The following IL1RAPL1 variants were observed in gnomAD, a reference collection of about 807,000 sequenced individuals.
IL1RAPL1 encodes the protein interleukin 1 receptor accessory protein like 1.
IL1RAPL1 carries 3 observed loss-of-function variants against 48.4 expected under a neutral mutation model. The observed-to-expected ratio is 0.06, with a 90% confidence interval of 0.03 to 0.16. The LOEUF (loss-of-function observed/expected upper bound fraction) is 0.16, where lower values mean the gene tolerates loss of function less well. IL1RAPL1 is among the 10% of genes least tolerant of loss of function. IL1RAPL1 has a pLI of 1.00. For synonymous variants in IL1RAPL1, 185 were observed against 187.7 expected, an observed-to-expected ratio of 0.99 and a Z score of 0.12; for missense variants, 349 against 530.6, an observed-to-expected ratio of 0.66 and a Z score of 3.36.
At chrX:29,065,692 C>A (rs750197513) in intron 2 of IL1RAPL1, among the ~76,000 whole-genome samples, 3 of 111,855 alleles carry the variant, frequency 2.7e-5, no homozygotes, top group East Asian at 5.6e-4. Flanking sequence ...TTCTGTGAGG[C>A]TCTGTTAAGT....
intron 5 of IL1RAPL1, among the ~76,000 whole-genome samples, chrX:29,654,922 TA>T (rs752974848): frequency 0.011 from 1,253 of 112,239 alleles, 9 homozygotes; most frequent in Middle Eastern, 0.032. Context: ...AAATTAAAAA[TA>T]GTTTTATATT....
intron 2 of IL1RAPL1, among the ~76,000 whole-genome samples, chrX:28,941,587 A>G (rs1924163833): frequency 9.0e-6 from 1 of 111,354 alleles, no homozygotes; most frequent in Admixed American, 9.6e-5. Flanking sequence ...TCAAACACTT[A>G]AAGATGCTGC....
intron 2 of IL1RAPL1, among the ~76,000 whole-genome samples, chrX:28,946,307 C>CT (rs1478370485): frequency 9.6e-6 from 1 of 104,712 alleles, no homozygotes; most frequent in Non-Finnish European, 2.0e-5. Flanking sequence ...AAGCAAAACT[C>CT]TTTGTGTGTG....
At chrX:29,801,076 A>AAAAAAAAAAAAAAAAAAAAAAAAAC (rs1569172133) in intron 6 of IL1RAPL1, among the ~76,000 whole-genome samples, 2 of 87,013 alleles carry the variant, frequency 2.3e-5, no homozygotes, top group African/African-American at 1.1e-4. Flanking sequence ...AAAAAAAAAA[A>AAAAAAAAAAAAAAAAAAAAAAAAAC]AAAACTCATC....
At chrX:29,275,818 G>A (rs1031787524) in intron 2 of IL1RAPL1, among the ~76,000 whole-genome samples, 19 of 111,653 alleles carry the variant, frequency 1.7e-4, no homozygotes, top group African/African-American at 4.2e-4. Flanking sequence ...CATCATATGC[G>A]GTCTATAACA....
rs149944738 is a variant in IL1RAPL1, at chrX:29,654,956, A to C, written c.704-13474A>C. Among the ~76,000 whole-genome samples, 598 of 111,998 alleles carry C rather than the reference A, an allele frequency of 5.3e-3. 3 individuals carry two copies. The highest frequency in any genetic ancestry group is 0.018 in the African/African-American group (560 of 30,826). On this transcript the variant is annotated intron_variant, in intron 5 of 10. Transcript: ENST00000378993. ...ATTTATAAACCTTGAATTTCAGTGG[A>C]GGCCATGCTTATTAAAATTCACTTT...
chrX:28,736,556 C>G (rs1935828842), intron 1 of IL1RAPL1, among the ~76,000 whole-genome samples: 1 of 111,777 alleles, frequency 8.9e-6, no homozygotes, highest in Admixed American at 9.5e-5. Flanking sequence ...TAAATACATG[C>G]ACATTAAACA....
intron 1 of IL1RAPL1, among the ~76,000 whole-genome samples, chrX:28,648,070 T>G (rs973596217): frequency 9.0e-6 from 1 of 111,630 alleles, no homozygotes; most frequent in African/African-American, 3.3e-5. Context: ...CTCTCCACAT[T>G]CCAGCCACAC....
chrX:29,666,875 T>C (rs1177844947), intron 5 of IL1RAPL1, among the ~76,000 whole-genome samples: 1 of 111,605 alleles, frequency 9.0e-6, no homozygotes, highest in Admixed American at 9.6e-5. Flanking sequence ...CATAGTTGCT[T>C]TTGAAATTCA....
intron 1 of IL1RAPL1, among the ~76,000 whole-genome samples, chrX:28,697,765 G>GC (rs1432453588): frequency 2.7e-5 from 3 of 111,398 alleles, no homozygotes; most frequent in Non-Finnish European, 5.7e-5. Flanking sequence ...TCTGAAAGAA[G>GC]CATAGGGGTG....
intron 6 of IL1RAPL1, among the ~76,000 whole-genome samples, chrX:29,872,526 C>T (rs762675619): frequency 2.6e-4 from 29 of 112,060 alleles, no homozygotes; most frequent in African/African-American, 9.4e-4. Flanking sequence ...GGTGATTAGG[C>T]TCTACCCTCA....
chrX:29,636,408 C>T (rs1223336353), intron 5 of IL1RAPL1, among the ~76,000 whole-genome samples: 2 of 112,062 alleles, frequency 1.8e-5, no homozygotes, highest in East Asian at 5.6e-4. Flanking sequence ...ATATAAGGAA[C>T]GTTTTAATCT....
intron 5 of IL1RAPL1, among the ~76,000 whole-genome samples, chrX:29,624,670 T>C (rs184554942): frequency 9.6e-6 from 1 of 103,913 alleles, no homozygotes; most frequent in Non-Finnish European, 2.0e-5. Flanking sequence ...CCCTGTTTTT[T>C]ACAAAAAATA....
At chrX:29,935,937 CATTTTT>C (rs1310662973) in intron 8 of IL1RAPL1, among the ~76,000 whole-genome samples, 3 of 111,525 alleles carry the variant, frequency 2.7e-5, no homozygotes, top group South Asian at 3.8e-4. Context: ...ATTCAGGGAT[CATTTTT>C]ATTTTTATTA....
At chrX:29,684,370 T>C (rs11095157) in intron 6 of IL1RAPL1, among the ~76,000 whole-genome samples, 44,996 of 109,459 alleles carry the variant, frequency 0.41, 6,812 homozygotes, top group South Asian at 0.52. Context: ...ATTAATCCCA[T>C]TCACAAAAGC....
At chrX:29,664,210 C>A (rs1048202562) in intron 5 of IL1RAPL1, among the ~76,000 whole-genome samples, 1 of 111,247 alleles carries the variant, frequency 9.0e-6, no homozygotes, top group African/African-American at 3.3e-5. Context: ...CGAGACCAGC[C>A]TGACTAACGC....
chrX:29,029,066 G>A (rs1281557469), intron 2 of IL1RAPL1, among the ~76,000 whole-genome samples: 1 of 111,541 alleles, frequency 9.0e-6, no homozygotes, highest in Admixed American at 9.5e-5. Flanking sequence ...TCTTCACAAG[G>A]TGGCAAGAAG....
At chrX:29,576,601 G>A (rs1219764403) in intron 5 of IL1RAPL1, among the ~76,000 whole-genome samples, 2 of 111,154 alleles carry the variant, frequency 1.8e-5, no homozygotes, top group African/African-American at 6.6e-5. Context: ...TGTTTAAACT[G>A]TTGGCTTTTC....
intron 2 of IL1RAPL1, among the ~76,000 whole-genome samples, chrX:28,917,520 A>G (rs1249165874): frequency 8.9e-6 from 1 of 111,739 alleles, no homozygotes; most frequent in Non-Finnish European, 1.9e-5. Flanking sequence ...CTCTGCAGTG[A>G]TTGTGGGCTG....
Sources: gnomAD v4.1 joint callset for allele counts (sites outside exome capture counted in the v4.1 genomes callset) on GRCh38, gnomAD v4.1.1 for gene constraint, MANE v1.5 for transcripts, NCBI Gene and HGNC (gene_info 2026-07-23, HGNC 2026-07-21) for gene names.